Variants in ZXDC observed in about 807,000 individuals in gnomAD.
ZXDC encodes the protein zinc finger protein ZXDC.
ZXDC carries 58 observed loss-of-function variants against 63.6 expected under a neutral mutation model. The ratio of observed to expected loss-of-function variants is 0.91; its 90% CI spans 0.74 to 1.13. The LOEUF (loss-of-function observed/expected upper bound fraction) is 1.13, where lower values mean the gene tolerates loss of function less well. Ranked by LOEUF, ZXDC falls within the 50% of genes most tolerant of loss-of-function variation. The probability of loss-of-function intolerance (pLI) is 0.00; values close to 1 mark genes in which losing one functional copy is unlikely to be tolerated. For synonymous variants in ZXDC, 561 were observed against 496.1 expected (o/e 1.13, Z -1.74); for missense variants, 1,133 against 1,148.9 (o/e 0.99, Z 0.20).
intron 7 of ZXDC, among the ~76,000 whole-genome samples, chr3:126,448,537 ACT>A (rs1933968993): frequency 6.6e-6 from 1 of 151,838 alleles, no homozygotes; most frequent in African/African-American, 2.4e-5. Context: ...TGCCTAGAAC[ACT>A]CTGGGCATTC....
At chr3:126,467,803 C>T (rs1266683004) in intron 4 of ZXDC, among the ~76,000 whole-genome samples, 1 of 152,088 alleles carries the variant, frequency 6.6e-6, no homozygotes. Flanking sequence ...GTCCTGAGCA[C>T]GGATTTCTAG....
At chr3:126,452,776 G>A (rs1934155452) in intron 7 of ZXDC, among the ~76,000 whole-genome samples, 1 of 145,626 alleles carries the variant, frequency 6.9e-6, no homozygotes, top group Non-Finnish European at 1.5e-5. Flanking sequence ...GGGTCTTACT[G>A]TCACCCAGGC....
rs566770633 is a variant in ZXDC at position 126,460,492 on chromosome 3, C to T, written c.2128-755G>A. On this transcript the variant is annotated intron_variant, in intron 6 of 9. Coordinates refer to ENST00000389709, the MANE Select transcript of ZXDC (RefSeq NM_025112.5). ...ACCAAGGTCTTGCTGGCTTCTCTAC[C>T]TCCACCCACAGCTGCAGCTGCACCA... 16 of 984,090 alleles carry T rather than the reference C, an allele frequency of 1.6e-5. No individual in the cohort carries two copies. The South Asian group carries it at 6.6e-4, about 40-fold the overall frequency. 61.0% of individuals were successfully genotyped at this position (984,090 alleles called of 1,614,324 possible).
At position 126,438,436 on chromosome 3, in the gene ZXDC, G is replaced by C. The variant is rs759003462; in HGVS notation, c.2516C>G (p.Pro839Arg). ...GAACTGGGTGGCCTCCGGTCCAGCAGGGCCTCCAGATGAGGGGAGCACCTC... is the reference window on the plus strand; with the variant it reads ...GAACTGGGTGGCCTCCGGTCCAGCACGGCCTCCAGATGAGGGGAGCACCTC... ...LQEVLPSSGG[P>R]AGPEATQFPG... The change falls in exon 10 of 10, where the codon CCT becomes CGT. Residue 839 changes from proline to arginine, a missense_variant. Pro to Arg is a moderately radical substitution (Grantham distance 103). Coordinates refer to ENST00000389709, the MANE Select transcript of ZXDC (RefSeq NM_025112.5). 72 of 1,613,774 alleles carry C rather than the reference G, an allele frequency of 4.5e-5. No individual in the cohort carries two copies. The Middle Eastern group carries it at 6.6e-4, about 15-fold the overall frequency.
chr3:126,451,916 T>C, intron 7 of ZXDC: 13 of 985,448 alleles, frequency 1.3e-5, no homozygotes, highest in Non-Finnish European at 1.6e-5. Context: ...ACAGAGTTAC[T>C]GCATGTGAAG....
At chr3:126,469,618 G>A (rs932419424) in intron 4 of ZXDC, among the ~76,000 whole-genome samples, 1 of 151,950 alleles carries the variant, frequency 6.6e-6, no homozygotes, top group Non-Finnish European at 1.5e-5. Context: ...GACATCATAC[G>A]CTCACCCAAG....
chr3:126,459,233 G>C, intron 7 of ZXDC: 1 of 985,404 alleles, frequency 1.0e-6, no homozygotes, highest in South Asian at 4.7e-5. Flanking sequence ...AATGCCACAG[G>C]ACACACAGTT....
chr3:126,463,241 T>G (rs1934628410), intron 5 of ZXDC, among the ~76,000 whole-genome samples: 1 of 152,036 alleles, frequency 6.6e-6, no homozygotes, highest in Non-Finnish European at 1.5e-5. Flanking sequence ...GCTAATTTTT[T>G]TGTGTTTTTA....
At chr3:126,447,965 C>T (rs1005136550) in intron 7 of ZXDC, among the ~76,000 whole-genome samples, 7 of 152,200 alleles carry the variant, frequency 4.6e-5, no homozygotes, top group African/African-American at 1.4e-4. Context: ...TGAGGGCAGC[C>T]GGCCTTGGGT....
intron 7 of ZXDC, among the ~76,000 whole-genome samples, chr3:126,447,402 T>C (rs957374427): frequency 5.3e-5 from 8 of 152,316 alleles, no homozygotes; most frequent in African/African-American, 1.4e-4. Flanking sequence ...TATACAAATA[T>C]GTACTGTGCA....
intron 3 of ZXDC, 94 bp from the exon 4 acceptor site, chr3:126,471,119 C>T (rs569520980): frequency 2.3e-5 from 34 of 1,488,708 alleles, no homozygotes; most frequent in Middle Eastern, 1.8e-4. Context: ...ACAAACTTTG[C>T]ATTTACAAAA....
intron 1 of ZXDC, among the ~76,000 whole-genome samples, chr3:126,473,068 A>G (rs993512465): frequency 2.6e-5 from 4 of 152,202 alleles, no homozygotes; most frequent in African/African-American, 9.7e-5. Flanking sequence ...ACAGATGTAC[A>G]TGGCATAGCA....
At chr3:126,451,797 C>T (rs1422059529) in intron 7 of ZXDC, 5 of 985,260 alleles carry the variant, frequency 5.1e-6, no homozygotes, top group Non-Finnish European at 3.6e-6. Context: ...TGTGGCTGTG[C>T]CTCTGCTGAT....
chr3:126,439,576 G>T (rs989097355), intron 9 of ZXDC, 56 bp downstream of exon 9: 105 of 1,550,690 alleles, frequency 6.8e-5, no homozygotes, highest in Non-Finnish European at 1.9e-5. Flanking sequence ...GCTTCTGGAA[G>T]TCGAAGGCTC....
At chr3:126,439,911 C>T in intron 8 of ZXDC, 184 bp from the exon 9 acceptor site, 3 of 1,414,072 alleles carry the variant, frequency 2.1e-6, no homozygotes, top group South Asian at 3.1e-5. Context: ...CCTGTTCCCA[C>T]CTGGTTCTCA....
chr3:126,455,136 A>G, intron 7 of ZXDC: 1 of 980,086 alleles, frequency 1.0e-6, no homozygotes, highest in Non-Finnish European at 1.2e-6. Flanking sequence ...TGTTGAAACC[A>G]AAAAATCCCA....
At chr3:126,466,024 G>T (rs1008177110) in intron 5 of ZXDC, 131 bp downstream of exon 5, 2 of 1,065,824 alleles carry the variant, frequency 1.9e-6, no homozygotes, top group African/African-American at 1.6e-5. Context: ...AGGCCACTTG[G>T]CTTGGCAGCC....
chr3:126,475,483 G>T lies in ZXDC; in HGVS notation c.383C>A (p.Ala128Asp). 1 of 1,215,666 alleles carries T rather than the reference G, an allele frequency of 8.2e-7. No individual in the cohort carries two copies. 75.3% of individuals were successfully genotyped at this position (1,215,666 alleles called of 1,614,324 possible). A position where few individuals can be genotyped will look rare whatever the true frequency, so the allele number is the denominator to read the frequency against. ...PPGPGVAPAG[A>D]VTISSQDLLV... ...CAGGTCCTGGCTGCTGATGGTGACG[G>T]CGCCCGCCGGGGCTACGCCAGGGCC... Residue 128 changes from alanine (A) to aspartate (D), a missense_variant, in exon 1 of 10, where the codon GCC (alanine) becomes GAC (aspartate). Physicochemically the swap from Ala to Asp is moderately radical, Grantham distance 126 (BLOSUM62 -2). Transcript: ENST00000389709.
chr3:126,453,994 G>A (rs1385396637), intron 7 of ZXDC: 10 of 854,268 alleles, frequency 1.2e-5, no homozygotes, highest in South Asian at 1.1e-4. Flanking sequence ...TGTACATATA[G>A]GCATATATAT....
Sources: gnomAD v4.1 joint callset for allele counts (sites outside exome capture counted in the v4.1 genomes callset) on GRCh38, gnomAD v4.1.1 for gene constraint, MANE v1.5 for transcripts, NCBI Gene and HGNC (gene_info 2026-07-23, HGNC 2026-07-21) for gene names.